FOXO1: variants seen among roughly 807,000 people sequenced by gnomAD.
FOXO1 encodes the protein forkhead box protein O1.
Under a neutral mutation model 44.1 loss-of-function variants are expected in FOXO1, and 6 were observed. The observed-to-expected ratio is 0.14, with a 90% CI of 0.07 to 0.27. The LOEUF (loss-of-function observed/expected upper bound fraction) is 0.27, where lower values mean the gene tolerates loss of function less well. FOXO1 is among the 10% of genes least tolerant of loss of function. The pLI, the probability that FOXO1 is intolerant of heterozygous loss-of-function variation, is 1.00. For synonymous variants in FOXO1, 380 were observed against 362.7 expected (o/e 1.05, Z -0.54); for missense variants, 737 against 888.8 (o/e 0.83, Z 2.17).
At chr13:40,598,312 G>A (rs947264366) in intron 1 of FOXO1, among the ~76,000 whole-genome samples, 2 of 152,172 alleles carry the variant, frequency 1.3e-5, no homozygotes, top group South Asian at 2.1e-4. Flanking sequence ...TTTTAGTTCA[G>A]TTTTTGGGGC....
At chr13:40,609,472 T>C (rs770971260) in intron 1 of FOXO1, among the ~76,000 whole-genome samples, 1 of 152,174 alleles carries the variant, frequency 6.6e-6, no homozygotes, top group African/African-American at 2.4e-5. Context: ...CTCAAAACCA[T>C]AGAAAATACA....
At chr13:40,581,223 G>A (rs1051049836) in intron 1 of FOXO1, among the ~76,000 whole-genome samples, 1 of 152,088 alleles carries the variant, frequency 6.6e-6, no homozygotes, top group East Asian at 1.9e-4. Context: ...ACTGCTTGAA[G>A]GCAAAAAAGG....
intron 1 of FOXO1, among the ~76,000 whole-genome samples, chr13:40,571,232 G>A (rs1299407106): frequency 2.0e-5 from 3 of 151,980 alleles, no homozygotes; most frequent in Non-Finnish European, 4.4e-5. Context: ...TGGGGTGGGG[G>A]GAAGGGGGAG....
chr13:40,644,080 C>T (rs572726266), intron 1 of FOXO1, among the ~76,000 whole-genome samples: 26 of 152,166 alleles, frequency 1.7e-4, no homozygotes, highest in Admixed American at 1.2e-3. Flanking sequence ...ATCATTCTGA[C>T]GTGACCCCAA....
chr13:40,584,094 T>A (rs1875056922), intron 1 of FOXO1, among the ~76,000 whole-genome samples: 1 of 152,096 alleles, frequency 6.6e-6, no homozygotes, highest in Non-Finnish European at 1.5e-5. Context: ...AGATGGGGAA[T>A]GGCAGGTTGG....
At chr13:40,598,899 T>C (rs1387431638) in intron 1 of FOXO1, among the ~76,000 whole-genome samples, 1 of 152,232 alleles carries the variant, frequency 6.6e-6, no homozygotes, top group Non-Finnish European at 1.5e-5. Flanking sequence ...TAAGAAAGTC[T>C]TCCTTAGTCA....
intron 1 of FOXO1, among the ~76,000 whole-genome samples, chr13:40,651,753 A>C (rs1281209165): frequency 6.6e-6 from 1 of 151,840 alleles, no homozygotes; most frequent in Non-Finnish European, 1.5e-5. Flanking sequence ...AAATAAATTC[A>C]GGTCCTACAA....
intron 1 of FOXO1, among the ~76,000 whole-genome samples, chr13:40,627,711 T>C (rs1203533424): frequency 1.3e-5 from 2 of 151,742 alleles, no homozygotes; most frequent in Non-Finnish European, 2.9e-5. Context: ...CAGGCGTCTG[T>C]AATCCCAGCT....
intron 1 of FOXO1, among the ~76,000 whole-genome samples, chr13:40,562,190 C>A (rs1874054272): frequency 6.6e-6 from 1 of 152,154 alleles, no homozygotes; most frequent in Non-Finnish European, 1.5e-5. Flanking sequence ...GAGCAGGATG[C>A]ACCAACTAAC....
intron 1 of FOXO1, among the ~76,000 whole-genome samples, chr13:40,652,208 C>T (rs1182362771): frequency 2.0e-5 from 3 of 152,060 alleles, no homozygotes; most frequent in Non-Finnish European, 4.4e-5. Context: ...TTCAAGAGAG[C>T]CCACTTTCTC....
intron 1 of FOXO1, among the ~76,000 whole-genome samples, chr13:40,623,434 A>G (rs1223317434): frequency 2.0e-5 from 3 of 152,386 alleles, no homozygotes; most frequent in East Asian, 3.9e-4. Context: ...TAAAATAAGC[A>G]ATAAAATCAA....
At chr13:40,637,584 G>A (rs1175766855) in intron 1 of FOXO1, among the ~76,000 whole-genome samples, 1 of 150,996 alleles carries the variant, frequency 6.6e-6, no homozygotes, top group African/African-American at 2.4e-5. Context: ...TATATAATCT[G>A]TACTTCACCA....
chr13:40,578,456 A>C (rs2137847019), intron 1 of FOXO1, among the ~76,000 whole-genome samples: 1 of 152,266 alleles, frequency 6.6e-6, no homozygotes, highest in Admixed American at 6.5e-5. Flanking sequence ...CCAGCCTCCC[A>C]TCCCACTCCA....
intron 1 of FOXO1, among the ~76,000 whole-genome samples, 161 bp downstream of exon 1, chr13:40,665,422 C>T (rs1425342295): frequency 6.6e-6 from 1 of 151,652 alleles, no homozygotes; most frequent in African/African-American, 2.4e-5. Context: ...CGTCCCCGAC[C>T]GGACCCGGGC....
rs958456076 is a variant in FOXO1, at chr13:40,648,908, A to G, written c.630+16675T>C. Among the ~76,000 whole-genome samples, 14 of 152,352 alleles carry G rather than the reference A, an allele frequency of 9.2e-5. No individual in the cohort carries two copies. In the East Asian group the frequency reaches 2.7e-3, roughly 29 times the overall value. ...ATTCAGGTTCATTTGCACAATAAACATGATCTAACAAGTCATTATGCTCTA... is the reference window on the plus strand; with the variant it reads ...ATTCAGGTTCATTTGCACAATAAACGTGATCTAACAAGTCATTATGCTCTA... On this transcript the variant is annotated intron_variant, in intron 1 of 2. Transcript: ENST00000379561.
intron 1 of FOXO1, among the ~76,000 whole-genome samples, chr13:40,627,153 C>T (rs914799979): frequency 3.9e-5 from 6 of 152,204 alleles, no homozygotes; most frequent in African/African-American, 1.2e-4. Flanking sequence ...CCCCCAACCA[C>T]GGCTTCCACC....
intron 1 of FOXO1, chr13:40,620,414 T>C (rs28547489): frequency 9.0e-6 from 6 of 663,246 alleles, no homozygotes; most frequent in Admixed American, 6.6e-5. Flanking sequence ...TAATTCTTCC[T>C]AGGATTTCTG....
chr13:40,585,386 A>G (rs1051758727), intron 1 of FOXO1, among the ~76,000 whole-genome samples: 3 of 145,692 alleles, frequency 2.1e-5, no homozygotes, highest in African/African-American at 7.6e-5. Flanking sequence ...CAACTTCACA[A>G]TGGAGTTTTG....
intron 1 of FOXO1, among the ~76,000 whole-genome samples, chr13:40,568,218 GA>G (rs1363304289): frequency 1.3e-5 from 2 of 152,162 alleles, no homozygotes; most frequent in African/African-American, 4.8e-5. Flanking sequence ...TCAGAAACTG[GA>G]ACATATGATT....
Sources: gnomAD v4.1 joint callset for allele counts (sites outside exome capture counted in the v4.1 genomes callset) on GRCh38, gnomAD v4.1.1 for gene constraint, MANE v1.5 for transcripts, NCBI Gene and HGNC (gene_info 2026-07-23, HGNC 2026-07-21) for gene names.